RAD9A: variants seen among roughly 807,000 people sequenced by gnomAD.
The protein encoded by RAD9A is cell cycle checkpoint control protein RAD9A.
RAD9A carries 25 observed loss-of-function variants against 41.2 expected under a neutral mutation model. The ratio of observed to expected loss-of-function variants is 0.61; its 90% CI spans 0.44 to 0.85. The LOEUF (loss-of-function observed/expected upper bound fraction) is 0.85, where lower values mean the gene tolerates loss of function less well. Ranked by LOEUF, RAD9A falls within the 40% of genes least tolerant of loss-of-function variation. RAD9A has a pLI of 0.00. For missense variants in RAD9A, 514 were observed against 518.3 expected, an observed-to-expected ratio of 0.99 and a Z score of 0.08; for synonymous variants, 252 against 210.6, an observed-to-expected ratio of 1.20 and a Z score of -1.70.
In RAD9A at chr11:67,395,762, G is replaced by A. The variant is rs1475849676; in HGVS notation, c.496G>A (p.Val166Met). The A allele has an allele frequency of 6.2e-7, 1 of 1,613,644 alleles. No homozygotes were observed. The highest frequency in any genetic ancestry group is 1.1e-5 in the South Asian group (1 of 91,034). ...GCCCTTCTCTCCTGCACTGGCTGAA[G>A]TGACGCTGGGCATTGGCCGTGGCCG... ...VLPFSPALAE[V>M]TLGIGRGRRV... is the part of the protein sequence containing the mutation. The change falls in exon 6 of 11, where the codon GTG becomes ATG. Residue 166 changes from valine (V) to methionine (M), a missense_variant. Val to Met is a conservative substitution (Grantham distance 21). Transcript: ENST00000307980.
rs200662476 is a variant in RAD9A, at chr11:67,395,726, G to A, written c.460G>A (p.Glu154Lys). 8.7e-6 allele frequency: 14 copies of A among 1,605,328 alleles called. No homozygotes were observed. In the East Asian group the frequency reaches 3.1e-4, roughly 36 times the overall value. The change falls in exon 6 of 11, where the codon GAG (glutamate) becomes AAG (lysine). Residue 154 changes from glutamate to lysine, a missense_variant. Transcript: ENST00000307980. Reference sequence around the variant, plus strand: ...CCACCCTGTTCACAGGGTTCTGGGGGAGGCTGTTCTGCCCTTCTCTCCTGC... The same window carrying A: ...CCACCCTGTTCACAGGGTTCTGGGGAAGGCTGTTCTGCCCTTCTCTCCTGC... ...MLRAPARVLGEAVLPFSPALA... is the reference protein window; with the variant it reads ...MLRAPARVLGKAVLPFSPALA...
chr11:67,392,300 G>GC, intron 2 of RAD9A, 69 bp downstream of exon 2: 1 of 1,321,324 alleles, frequency 7.6e-7, no homozygotes, highest in Non-Finnish European at 1.0e-6. Context: ...CTAGAGTCTC[G>GC]CCCCCACTAG....
Position 67,393,606 on chromosome 11 carries a change from G to C in RAD9A, c.345G>C (p.Lys115Asn). ...SSRLVVQLHC[K>N]FGVRKTHNLS... ...GCCTGGTGGTCCAGCTGCATTGCAA[G>C]TTCGGTGAGTGGGCAGCCGGCCAGC... Residue 115 changes from lysine to asparagine, a missense_variant, in exon 4 of 11, where the codon AAG (lysine) becomes AAC (asparagine). By Grantham distance (94) the Lys-to-Asn change is moderately conservative. Around this residue, in one of 3 missense-constraint regions of RAD9A, gnomAD observed 268 missense variants for 279.3 expected, o/e 0.96. Transcript: ENST00000307980. The C allele has an allele frequency of 1.9e-6, 3 of 1,614,160 alleles. No individual in the cohort carries two copies. The highest frequency in any genetic ancestry group is 1.7e-6 in the Non-Finnish European group (2 of 1,179,996).
At chr11:67,393,199 G>A in intron 3 of RAD9A, 1 of 815,348 alleles carries the variant, frequency 1.2e-6, no homozygotes, top group Non-Finnish European at 1.6e-6. Flanking sequence ...AGAATTGCTT[G>A]AATCCGGGAG....
chr11:67,396,427 C>T (rs757065397), intron 9 of RAD9A, 27 bp downstream of exon 9: 12 of 1,611,362 alleles, frequency 7.4e-6, no homozygotes, highest in Non-Finnish European at 8.5e-6. Flanking sequence ...CCAACTCCTC[C>T]TCTCTCCATG....
rs1248300442 is a variant in RAD9A at position 67,393,567 on chromosome 11, T to C, written c.306T>C (p.Asn102=). The C allele has an allele frequency of 1.2e-6, 2 of 1,614,078 alleles. No homozygotes were observed. Among genetic ancestry groups the C allele is most frequent in the Non-Finnish European group, 1.7e-6 (2 of 1,180,022 alleles). ...TGGAAAAATGCTGCATCTCCCTGAA[T>C]GGCCGGAGCAGCCGCCTGGTGGTCC... ...KTVEKCCISL[N]GRSSRLVVQL... The change falls in exon 4 of 11, where the codon AAT becomes AAC. Residue 102 remains asparagine (N), a synonymous_variant. Transcript: ENST00000307980.
intron 9 of RAD9A, 113 bp downstream of exon 9, chr11:67,396,513 C>CT (rs1231516583): frequency 7.4e-7 from 1 of 1,349,284 alleles, no homozygotes; most frequent in Non-Finnish European, 1.0e-6. Flanking sequence ...CGCCCCTTCT[C>CT]TTTCTATCAG....
intron 2 of RAD9A, 24 bp from the exon 3 acceptor site, chr11:67,392,630 C>T (rs1862559187): frequency 6.2e-7 from 1 of 1,612,664 alleles, no homozygotes; most frequent in South Asian, 1.1e-5. Context: ...GACCACGTCC[C>T]TCTCCCTGCT....
intron 9 of RAD9A, 130 bp from the exon 10 acceptor site, chr11:67,397,049 A>G (rs1054492576): frequency 2.4e-5 from 16 of 653,070 alleles, no homozygotes; most frequent in African/African-American, 2.4e-4. Flanking sequence ...CTCTCCAGCC[A>G]AATCAGGAAG....
Position 67,397,529 on chromosome 11 carries a change from G to A in RAD9A, c.1146G>A (p.Val382=), listed in dbSNP as rs757761838. The A allele has an allele frequency of 1.2e-6, 2 of 1,610,760 alleles. No homozygotes were observed. The change falls in exon 11 of 11, where the codon GTG becomes GTA. Residue 382 remains valine (V), a synonymous_variant. Transcript: ENST00000307980. ...GCTCCCCCCAGGGCCCCAGCCCTGT[G>A]CTGGCGGAAGACAGTGAGGGTGAAG... is the stretch of plus-strand genomic sequence containing the variant. The part of the protein sequence containing the change: ...PVRSPQGPSP[V]LAEDSEGEG
At chr11:67,394,624 C>CT (rs111881362) in intron 5 of RAD9A, among the ~76,000 whole-genome samples, 2,260 of 138,570 alleles carry the variant, frequency 0.016, 55 homozygotes, top group African/African-American at 0.054. Context: ...AGGGTGGTGT[C>CT]TTTTTTTTTT....
At chr11:67,394,624 C>CTTT (rs111881362) in intron 5 of RAD9A, among the ~76,000 whole-genome samples, 7 of 138,590 alleles carry the variant, frequency 5.1e-5, no homozygotes, top group Non-Finnish European at 1.1e-4. Flanking sequence ...AGGGTGGTGT[C>CTTT]TTTTTTTTTT....
In RAD9A at chr11:67,393,602, G is replaced by A; in HGVS notation, c.341G>A (p.Cys114Tyr). The change falls in exon 4 of 11, where the codon TGC (cysteine) becomes TAC (tyrosine). Residue 114 changes from cysteine to tyrosine, a missense_variant. Around this residue, in one of 3 missense-constraint regions of RAD9A, gnomAD observed 268 missense variants for 279.3 expected, o/e 0.96. Coordinates refer to ENST00000307980, the MANE Select transcript of RAD9A (RefSeq NM_004584.3). ...AGCCGCCTGGTGGTCCAGCTGCATT[G>A]CAAGTTCGGTGAGTGGGCAGCCGGC... ...RSSRLVVQLH[C>Y]KFGVRKTHNL... 1 of 1,614,190 alleles carries A rather than the reference G, an allele frequency of 6.2e-7. No homozygotes were observed. Among genetic ancestry groups the A allele is most frequent in the Non-Finnish European group, 8.5e-7 (1 of 1,180,008 alleles).
At chr11:67,396,196 A>G in intron 8 of RAD9A, 21 bp downstream of exon 8, 1 of 1,613,820 alleles carries the variant, frequency 6.2e-7, no homozygotes, top group Non-Finnish European at 8.5e-7. Context: ...GCCTTGGGAC[A>G]GGGAAGGGCT....
Position 67,392,246 on chromosome 11 carries a change from T to TTTGGGG in RAD9A, c.105+15_105+16insTTGGGG. 1 of 558,106 alleles carries TTTGGGG rather than the reference T, an allele frequency of 1.8e-6. No homozygotes were observed. The highest frequency in any genetic ancestry group is 3.2e-6 in the Non-Finnish European group (1 of 312,370). 34.6% of individuals were successfully genotyped at this position (558,106 alleles called of 1,614,324 possible). A position where few individuals can be genotyped will look rare whatever the true frequency, so the allele number is the denominator to read the frequency against. On this transcript the variant is annotated intron_variant, in intron 2 of 10. Transcript: ENST00000307980. ...TGGAGGACGGGGTGAGGGGCTAGGG[T>TTTGGGG]GTGGGGGGCGGGTGGGACTCCAGCC...
Position 67,392,229 on chromosome 11 carries a change from G to A in RAD9A, c.103G>A (p.Gly35Arg). 5.0e-6 allele frequency: 8 copies of A among 1,601,706 alleles called. No homozygotes were observed. Among genetic ancestry groups the A allele is most frequent in the Non-Finnish European group, 6.8e-6 (8 of 1,172,576 alleles). ...DELYLEPLEDGLSLRTVNSSR... is the reference protein window; with the variant it reads ...DELYLEPLEDRLSLRTVNSSR... The stretch of plus-strand genomic sequence containing the variant: ...GCTCTACCTGGAACCCTTGGAGGAC[G>A]GGGTGAGGGGCTAGGGTGTGGGGGG... The change falls in exon 2 of 11, where the codon GGG becomes AGG. Residue 35 changes from glycine (G) to arginine (R), a missense_variant and splice_region_variant. Around this residue, in one of 3 missense-constraint regions of RAD9A, gnomAD observed 268 missense variants for 279.3 expected, o/e 0.96. Coordinates refer to ENST00000307980, the MANE Select transcript of RAD9A (RefSeq NM_004584.3).
chr11:67,392,542 G>A, intron 2 of RAD9A, 112 bp from the exon 3 acceptor site: 1 of 1,432,086 alleles, frequency 7.0e-7, no homozygotes, highest in East Asian at 2.3e-5. Flanking sequence ...TTTTCAGCAG[G>A]TGGTGGCGGA....
At chr11:67,397,109 G>A in intron 9 of RAD9A, 70 bp from the exon 10 acceptor site, 2 of 1,249,208 alleles carry the variant, frequency 1.6e-6, no homozygotes, top group Non-Finnish European at 2.3e-6. Context: ...AGCTCCCTTC[G>A]AGCCCTCCAA....
chr11:67,392,248 T>TGGGGTTGGGTTGG lies in RAD9A; in HGVS notation c.105+21_105+22insTTGGGTTGGGGGG. The TGGGGTTGGGTTGG allele has an allele frequency of 3.1e-6, 1 of 321,860 alleles. No homozygotes were observed. The highest frequency in any genetic ancestry group is 6.2e-6 in the Non-Finnish European group (1 of 162,538). The allele number at this position is 321,860 out of a possible 1,614,324, so 19.9% of individuals were successfully genotyped here. A position where few individuals can be genotyped will look rare whatever the true frequency, so the allele number is the denominator to read the frequency against. On this transcript the variant is annotated intron_variant, in intron 2 of 10. Coordinates refer to ENST00000307980, the MANE Select transcript of RAD9A (RefSeq NM_004584.3). ...GAGGACGGGGTGAGGGGCTAGGGTG[T>TGGGGTTGGGTTGG]GGGGGGCGGGTGGGACTCCAGCCGG...
Sources: allele counts gnomAD v4.1 joint callset (sites outside exome capture counted in the v4.1 genomes callset), GRCh38; gene constraint gnomAD v4.1.1; regional missense constraint gnomAD v4.1.1; transcripts MANE v1.5; gene names NCBI Gene and HGNC (gene_info 2026-07-23, HGNC 2026-07-21).